ARL2: variants seen among roughly 807,000 people sequenced by gnomAD.
ARL2 encodes the protein ADP-ribosylation factor-like protein 2.
ARL2 carries 11 observed loss-of-function variants against 22.0 expected under a neutral mutation model. That is an observed-to-expected ratio of 0.50 (90% CI 0.31 to 0.83). ARL2 has a LOEUF of 0.83. Ranked by LOEUF, ARL2 falls within the 40% of genes least tolerant of loss-of-function variation. The probability of loss-of-function intolerance (pLI) is 0.04; values close to 1 mark genes in which losing one functional copy is unlikely to be tolerated. For synonymous variants in ARL2, 111 were observed against 100.8 expected, an observed-to-expected ratio of 1.10 and a Z score of -0.61; for missense variants, 216 against 243.2, an observed-to-expected ratio of 0.89 and a Z score of 0.74.
In ARL2 at chr11:65,020,503, A is replaced by T; in HGVS notation, c.420+4A>T. On this transcript the variant is annotated splice_donor_region_variant and intron_variant, in intron 4 of 4. Transcript: ENST00000246747. The stretch of plus-strand genomic sequence containing the variant: ...GTCCTCTAACGCCATCCGCGAGGTG[A>T]GTCCAGGCCCCGGGACAGGCTCGCT... The T allele has an allele frequency of 6.2e-7, 1 of 1,607,098 alleles. No homozygotes were observed. The highest frequency in any genetic ancestry group is 8.5e-7 in the Non-Finnish European group (1 of 1,176,172).
intron 4 of ARL2, chr11:65,021,482 A>G: frequency 2.2e-6 from 1 of 447,800 alleles, no homozygotes. Context: ...GATGCTCAGG[A>G]GCCCATGCTG....
chr11:65,020,863 T>G, intron 4 of ARL2, among the ~76,000 whole-genome samples: 2 of 141,110 alleles, frequency 1.4e-5, no homozygotes, highest in African/African-American at 2.8e-5. Context: ...GAGTGAGACT[T>G]CGTCTCAAAA....
intron 3 of ARL2, 142 bp from the exon 4 acceptor site, chr11:65,020,277 A>G: frequency 1.4e-6 from 1 of 717,620 alleles, no homozygotes; most frequent in Non-Finnish European, 2.4e-6. Flanking sequence ...CCACAAACTC[A>G]CTCCTGGGCC....
chr11:65,018,498 G>A lies in ARL2; in HGVS notation c.176+24G>A. 1 of 1,603,720 alleles carries A rather than the reference G, an allele frequency of 6.2e-7. No individual in the cohort carries two copies. Among genetic ancestry groups the A allele is most frequent in the Non-Finnish European group, 8.5e-7 (1 of 1,175,296 alleles). On this transcript the variant is annotated intron_variant, in intron 2 of 4. Coordinates refer to ENST00000246747, the MANE Select transcript of ARL2 (RefSeq NM_001667.4). The surrounding 1 kb of genome is among the most constrained non-coding windows in gnomAD (Gnocchi z 4.2). ...GGGTGAGCAGGGGCCCCATGGGAGG[G>A]CCAGCCCAGAGCAGGGCAGGGAAGG...
At chr11:65,020,307 C>A in intron 3 of ARL2, 112 bp from the exon 4 acceptor site, 1 of 912,550 alleles carries the variant, frequency 1.1e-6, no homozygotes, top group South Asian at 1.4e-5. Context: ...ACCACGGGGC[C>A]TCACCTTGAT....
chr11:65,016,051 A>G (rs1468494660), intron 1 of ARL2, among the ~76,000 whole-genome samples: 1 of 151,992 alleles, frequency 6.6e-6, no homozygotes. Context: ...TACTGAAAAT[A>G]CAAAAATTAG....
intron 3 of ARL2, chr11:65,019,090 A>C: frequency 3.7e-6 from 2 of 540,972 alleles, no homozygotes; most frequent in Non-Finnish European, 5.8e-6. Flanking sequence ...GTGTGACCTC[A>C]GCTGGGGGTG....
At chr11:65,020,287 C>A in intron 3 of ARL2, 132 bp from the exon 4 acceptor site, 1 of 763,906 alleles carries the variant, frequency 1.3e-6, no homozygotes, top group South Asian at 1.6e-5. Flanking sequence ...ACTCCTGGGC[C>A]TCTCCCACCA....
chr11:65,018,705 G>A lies in ARL2; in HGVS notation c.311G>A (p.Arg104Gln), dbSNP rs747084254. 5.0e-6 allele frequency: 8 copies of A among 1,614,164 alleles called. No individual in the cohort carries two copies. The highest frequency in any genetic ancestry group is 2.2e-5 in the East Asian group (1 of 44,884). The change falls in exon 3 of 5, where the codon CGG (arginine) becomes CAG (glutamine). Residue 104 changes from arginine (R) to glutamine (Q), a missense_variant. Physicochemically the swap from Arg to Gln is conservative, Grantham distance 43. Transcript: ENST00000246747. The surrounding 1 kb of genome is among the most constrained non-coding windows in gnomAD (Gnocchi z 4.2). The part of the protein sequence containing the change: ...ADRQRMQDCQ[R>Q]ELQSLLVEER... The stretch of plus-strand genomic sequence containing the variant: ...CGCCAGCGCATGCAGGACTGCCAGC[G>A]GGAGCTCCAGAGCCTGCTGGTGGAG...
At position 65,018,976 on chromosome 11, in the gene ARL2, GTGA is replaced by G. The variant is rs1236408294; in HGVS notation, c.339+250_339+252del. ...GCATCAGTTTCTATGCCTTGAAATG[GTGA>G]TGATGACACCCACATCACTGGGCTT... On this transcript the variant is annotated intron_variant, in intron 3 of 4. Coordinates refer to ENST00000246747, the MANE Select transcript of ARL2 (RefSeq NM_001667.4). The surrounding 1 kb of genome is among the most constrained non-coding windows in gnomAD (Gnocchi z 4.2). 5 of 1,475,516 alleles carry G rather than the reference GTGA, an allele frequency of 3.4e-6. No individual in the cohort carries two copies. Among genetic ancestry groups the G allele is most frequent in the Non-Finnish European group, 4.5e-6 (5 of 1,106,744 alleles). The allele number at this position is 1,475,516 out of a possible 1,614,324, so 91.4% of individuals were successfully genotyped here.
chr11:65,017,607 G>T (rs956755662), intron 1 of ARL2, among the ~76,000 whole-genome samples: 2 of 152,180 alleles, frequency 1.3e-5, no homozygotes, highest in Non-Finnish European at 2.9e-5. Flanking sequence ...GTCATCAGCG[G>T]CTAGGTTCCA....
chr11:65,020,934 G>T (rs940829036), intron 4 of ARL2, among the ~76,000 whole-genome samples: 1 of 152,054 alleles, frequency 6.6e-6, no homozygotes. Flanking sequence ...GCCTAGCCCT[G>T]CTAGGTGGCA....
At chr11:65,019,885 A>G (rs79095511) in intron 3 of ARL2, among the ~76,000 whole-genome samples, 7,612 of 152,264 alleles carry the variant, frequency 0.05, 222 homozygotes, top group Middle Eastern at 0.065. Flanking sequence ...AGATGAGATC[A>G]GGGCCGTCAA....
intron 1 of ARL2, among the ~76,000 whole-genome samples, chr11:65,017,197 C>CTT (rs368785196): frequency 2.7e-4 from 39 of 142,784 alleles, no homozygotes; most frequent in African/African-American, 9.7e-4. Flanking sequence ...TTTGTTTGCT[C>CTT]TTTTTTTTTT....
At chr11:65,021,197 C>G (rs924031003) in intron 4 of ARL2, among the ~76,000 whole-genome samples, 1 of 152,224 alleles carries the variant, frequency 6.6e-6, no homozygotes, top group African/African-American at 2.4e-5. Context: ...CCAGGTCACA[C>G]AGCCACTAAA....
At chr11:65,014,375 C>T (rs1946222520) in intron 1 of ARL2, 103 bp downstream of exon 1, 9 of 984,914 alleles carry the variant, frequency 9.1e-6, no homozygotes, top group South Asian at 6.9e-5. Context: ...CGGCGCGTCC[C>T]AACTGCCCCT....
At position 65,020,455 on chromosome 11, in the gene ARL2, A is replaced by G; in HGVS notation, c.376A>G (p.Lys126Glu). 6.2e-7 allele frequency: 1 copy of G among 1,613,104 alleles called. No individual in the cohort carries two copies. Among genetic ancestry groups the G allele is most frequent in the Non-Finnish European group, 8.5e-7 (1 of 1,179,626 alleles). The change falls in exon 4 of 5, where the codon AAG (lysine) becomes GAG (glutamate). Residue 126 changes from lysine to glutamate, a missense_variant. Physicochemically the swap from Lys to Glu is moderately conservative, Grantham distance 56. Transcript: ENST00000246747. ...AGCAACCCTCCTCATCTTTGCTAAT[A>G]AGCAGGACCTGCCTGGAGCACTGTC... ...AGATLLIFAN[K>E]QDLPGALSSN...
intron 3 of ARL2, among the ~76,000 whole-genome samples, chr11:65,020,105 C>G (rs922031829): frequency 6.6e-6 from 1 of 152,194 alleles, no homozygotes; most frequent in East Asian, 1.9e-4. Context: ...CAGTCTAGAA[C>G]CACGGAGAGC....
chr11:65,018,648 A>G lies in ARL2; in HGVS notation c.254A>G (p.Asp85Gly), dbSNP rs1273799880. 6 of 1,614,048 alleles carry G rather than the reference A, an allele frequency of 3.7e-6. No homozygotes were observed. Among genetic ancestry groups the G allele is most frequent in the African/African-American group, 2.7e-5 (2 of 74,928 alleles). ...SYWRNYFEST[D>G]GLIWVVDSAD... ...TGGCGGAACTACTTTGAGAGCACCG[A>G]TGGCCTCATCTGGGTAGTGGACAGC... The change falls in exon 3 of 5, where the codon GAT (aspartate) becomes GGT (glycine). Residue 85 changes from aspartate to glycine, a missense_variant. Physicochemically the swap from Asp to Gly is moderately conservative, Grantham distance 94. Coordinates refer to ENST00000246747, the MANE Select transcript of ARL2 (RefSeq NM_001667.4). The surrounding 1 kb of genome is among the most constrained non-coding windows in gnomAD (Gnocchi z 4.2).
Sources: allele counts gnomAD v4.1 joint callset (sites outside exome capture counted in the v4.1 genomes callset), GRCh38; gene constraint gnomAD v4.1.1; non-coding constraint Gnocchi (gnomAD v3.1); transcripts MANE v1.5; gene names NCBI Gene and HGNC (gene_info 2026-07-23, HGNC 2026-07-21).